Variants in ZNF804A observed in about 807,000 individuals in gnomAD.
ZNF804A encodes the protein zinc finger protein 804A.
ZNF804A carries 2 observed loss-of-function variants against 16.5 expected under a neutral mutation model. That is an observed-to-expected ratio of 0.12 (90% CI 0.05 to 0.38). The LOEUF (loss-of-function observed/expected upper bound fraction) is 0.38, where lower values mean the gene tolerates loss of function less well. Among genes scored for constraint, ZNF804A ranks in the 10% least tolerant of loss-of-function variants. ZNF804A has a pLI of 0.99. For missense variants in ZNF804A, 1,473 were observed against 1,390.7 expected (o/e 1.06, Z -0.94); for synonymous variants, 534 against 489.6 (o/e 1.09, Z -1.20).
chr2:184,655,718 A>G (rs974391950), intron 1 of ZNF804A, among the ~76,000 whole-genome samples: 3 of 152,062 alleles, frequency 2.0e-5, no homozygotes, highest in Non-Finnish European at 4.4e-5. Context: ...TAGATGGCAT[A>G]TTAAGCAGTC....
chr2:184,610,559 T>G (rs1272832693), intron 1 of ZNF804A, among the ~76,000 whole-genome samples: 2 of 152,064 alleles, frequency 1.3e-5, no homozygotes, highest in Non-Finnish European at 1.5e-5. Flanking sequence ...TATATGTAGA[T>G]TCTGTCTTTG....
rs146638869 is a variant in ZNF804A at position 184,905,914 on chromosome 2, T to A, written c.256-27689T>A. 5.1e-3 allele frequency among the ~76,000 whole-genome samples: 771 copies of A among 152,284 alleles called. 20 individuals carry two copies. The highest frequency in any genetic ancestry group is 0.023 in the East Asian group (121 of 5,174). ...TGTACTTGGTGATATAGCTTGCAGA[T>A]TCAGTGTTCTGGACTGCTATGTTCC... On this transcript the variant is annotated intron_variant, in intron 2 of 3. Transcript: ENST00000302277.
intron 2 of ZNF804A, 88 bp from the exon 3 acceptor site, chr2:184,933,515 C>T (rs1405559648): frequency 6.4e-6 from 8 of 1,250,584 alleles, no homozygotes; most frequent in Non-Finnish European, 8.8e-6. Flanking sequence ...AAAGATGATG[C>T]ATTGGAAAAT....
intron 1 of ZNF804A, among the ~76,000 whole-genome samples, chr2:184,626,025 C>T (rs1224726005): frequency 2.6e-5 from 4 of 152,018 alleles, no homozygotes; most frequent in African/African-American, 7.2e-5. Context: ...CCCGCCACCA[C>T]GCCCAGCTAA....
chr2:184,881,191 G>A (rs976066262), intron 2 of ZNF804A, among the ~76,000 whole-genome samples: 6 of 152,014 alleles, frequency 3.9e-5, no homozygotes, highest in Admixed American at 1.3e-4. Flanking sequence ...CCTACTCCCC[G>A]AATTAACTCA....
At chr2:184,691,413 TTC>T (rs985402989) in intron 1 of ZNF804A, among the ~76,000 whole-genome samples, 5 of 151,380 alleles carry the variant, frequency 3.3e-5, no homozygotes, top group African/African-American at 1.2e-4. Context: ...AAATCATATA[TTC>T]TATATATATA....
intron 1 of ZNF804A, among the ~76,000 whole-genome samples, chr2:184,697,060 C>G (rs542409243): frequency 3.9e-5 from 6 of 151,956 alleles, no homozygotes; most frequent in Non-Finnish European, 8.8e-5. Flanking sequence ...AATATGATTA[C>G]TCTTTACAGT....
intron 1 of ZNF804A, among the ~76,000 whole-genome samples, chr2:184,787,150 T>A (rs1694460874): frequency 6.6e-6 from 1 of 151,936 alleles, no homozygotes; most frequent in Non-Finnish European, 1.5e-5. Flanking sequence ...GGTTATTCTC[T>A]TCATCTTTAT....
chr2:184,627,607 G>A (rs79357392), intron 1 of ZNF804A, among the ~76,000 whole-genome samples: 2,017 of 152,250 alleles, frequency 0.013, 30 homozygotes, highest in African/African-American at 0.046. Context: ...TGAATAATAA[G>A]TGTATATGCA....
At chr2:184,800,770 C>A (rs1002049111) in intron 1 of ZNF804A, among the ~76,000 whole-genome samples, 1 of 152,032 alleles carries the variant, frequency 6.6e-6, no homozygotes, top group Non-Finnish European at 1.5e-5. Flanking sequence ...TCACTCCCAT[C>A]ACTTATGATA....
chr2:184,668,443 A>G (rs1692285747), intron 1 of ZNF804A, among the ~76,000 whole-genome samples: 1 of 151,032 alleles, frequency 6.6e-6, no homozygotes, highest in East Asian at 1.9e-4. Context: ...ACAGAACAGT[A>G]TCATCATTGA....
chr2:184,886,817 G>A (rs1684898362), intron 2 of ZNF804A, among the ~76,000 whole-genome samples: 1 of 152,212 alleles, frequency 6.6e-6, no homozygotes, highest in South Asian at 2.1e-4. Context: ...GGGGGCCTGG[G>A]GCCTGGCCCA....
At chr2:184,893,987 C>A (rs551711011) in intron 2 of ZNF804A, among the ~76,000 whole-genome samples, 1 of 152,090 alleles carries the variant, frequency 6.6e-6, no homozygotes, top group Non-Finnish European at 1.5e-5. Context: ...ATGCTGTGCA[C>A]ATAAAATTCT....
intron 1 of ZNF804A, among the ~76,000 whole-genome samples, chr2:184,798,932 A>T (rs559626597): frequency 2.2e-4 from 34 of 152,014 alleles, no homozygotes; most frequent in African/African-American, 7.7e-4. Context: ...TGTTCCCTTG[A>T]TGTTGTAGTC....
intron 2 of ZNF804A, among the ~76,000 whole-genome samples, chr2:184,869,803 C>A (rs923776887): frequency 2.0e-5 from 3 of 152,012 alleles, no homozygotes; most frequent in African/African-American, 7.2e-5. Flanking sequence ...CTTTGCAAAT[C>A]TGTTATGACA....
intron 1 of ZNF804A, among the ~76,000 whole-genome samples, chr2:184,726,504 A>G (rs1693412714): frequency 6.6e-6 from 1 of 151,480 alleles, no homozygotes; most frequent in Non-Finnish European, 1.5e-5. Context: ...TTCAGAGAGA[A>G]AAAAAAATGT....
intron 1 of ZNF804A, among the ~76,000 whole-genome samples, chr2:184,736,877 A>G (rs969111798): frequency 3.4e-5 from 5 of 146,982 alleles, no homozygotes; most frequent in Admixed American, 1.4e-4. Flanking sequence ...TTTTTTCTGC[A>G]TAAAGCACTG....
chr2:184,898,424 A>G (rs1685123900), intron 2 of ZNF804A, among the ~76,000 whole-genome samples: 1 of 152,098 alleles, frequency 6.6e-6, no homozygotes, highest in Admixed American at 6.6e-5. Context: ...CTTGTGGAAT[A>G]TAGAACACCA....
chr2:184,725,366 T>A (rs942239785), intron 1 of ZNF804A, among the ~76,000 whole-genome samples: 7 of 151,828 alleles, frequency 4.6e-5, no homozygotes, highest in African/African-American at 1.7e-4. Flanking sequence ...AAAATTTAAA[T>A]ATGCAATGTT....
Sources: gnomAD v4.1 joint callset for allele counts (sites outside exome capture counted in the v4.1 genomes callset) on GRCh38, gnomAD v4.1.1 for gene constraint, MANE v1.5 for transcripts, NCBI Gene and HGNC (gene_info 2026-07-23, HGNC 2026-07-21) for gene names.